The following CEPT1 variants were observed in gnomAD, a reference collection of about 807,000 sequenced individuals.
CEPT1 encodes the protein choline/ethanolaminephosphotransferase 1.
CEPT1 carries 7 observed loss-of-function variants against 42.6 expected under a neutral mutation model. That is an observed-to-expected ratio of 0.16 (90% confidence interval 0.09 to 0.31). The LOEUF (loss-of-function observed/expected upper bound fraction) is 0.31, where lower values mean the gene tolerates loss of function less well. CEPT1 is among the 10% of genes least tolerant of loss of function. CEPT1 has a pLI of 1.00. For missense variants in CEPT1, 306 were observed against 502.1 expected, an observed-to-expected ratio of 0.61 and a Z score of 3.73; for synonymous variants, 171 against 171.9, an observed-to-expected ratio of 0.99 and a Z score of 0.04.
At chr1:111,174,081 A>C (rs921824409) in intron 4 of CEPT1, among the ~76,000 whole-genome samples, 1 of 152,200 alleles carries the variant, frequency 6.6e-6, no homozygotes, top group African/African-American at 2.4e-5. Context: ...CCAGTAATCT[A>C]AGAATGATAA....
rs1332906495 is a variant in CEPT1, at chr1:111,184,839, A to G, written c.*529A>G. 5.0e-5 allele frequency: 7 copies of G among 140,916 alleles called. No homozygotes were observed. In the Admixed American group the frequency reaches 5.0e-4, roughly 10 times the overall value. 8.7% of individuals were successfully genotyped at this position (140,916 alleles called of 1,614,324 possible). A position where few individuals can be genotyped will look rare whatever the true frequency, so the allele number is the denominator to read the frequency against. On this transcript the variant is annotated 3_prime_UTR_variant, in exon 9 of 9. Coordinates refer to ENST00000357172, the MANE Select transcript of CEPT1 (RefSeq NM_006090.5). ...AAAGTTTCCTATCTTTACATTGTTG[A>G]GGAAGTCCTTTTTTTTTTTTTTTTT... is the stretch of plus-strand genomic sequence containing the variant.
chr1:111,180,097 A>C (rs765202772), intron 5 of CEPT1: 1 of 152,202 alleles, frequency 6.6e-6, no homozygotes, highest in Non-Finnish European at 1.5e-5. Context: ...ATTTCACCAA[A>C]TTTTAAATAC....
intron 4 of CEPT1, chr1:111,167,340 T>G (rs1253944440): frequency 2.1e-6 from 2 of 959,956 alleles, no homozygotes; most frequent in East Asian, 1.1e-4. Flanking sequence ...AAACATAATT[T>G]TAATATATTA....
intron 5 of CEPT1, among the ~76,000 whole-genome samples, chr1:111,176,135 T>G (rs1016209429): frequency 6.6e-6 from 1 of 152,148 alleles, no homozygotes; most frequent in Admixed American, 6.5e-5. Flanking sequence ...GATGAAGGAA[T>G]AAAAATAATC....
intron 8 of CEPT1, among the ~76,000 whole-genome samples, chr1:111,183,806 G>A (rs1182721544): frequency 2.0e-5 from 3 of 152,244 alleles, no homozygotes; most frequent in Middle Eastern, 3.4e-3. Flanking sequence ...ATCGGGCAGG[G>A]CTCATAAATT....
chr1:111,176,558 T>C (rs1477493019), intron 5 of CEPT1, among the ~76,000 whole-genome samples: 5 of 152,100 alleles, frequency 3.3e-5, no homozygotes, highest in East Asian at 1.9e-4. Flanking sequence ...AACAAGTCAG[T>C]GTTTGGTTTA....
At chr1:111,144,544 G>A (rs571715612) in intron 1 of CEPT1, among the ~76,000 whole-genome samples, 3 of 152,286 alleles carry the variant, frequency 2.0e-5, no homozygotes, top group East Asian at 1.9e-4. Context: ...AATCTAGGTC[G>A]CAGAGGGGAA....
intron 2 of CEPT1, among the ~76,000 whole-genome samples, chr1:111,158,616 AAGGACT>A (rs1476656513): frequency 2.6e-5 from 4 of 152,206 alleles, no homozygotes; most frequent in Non-Finnish European, 5.9e-5. Context: ...TAGCAATATT[AAGGACT>A]AGAAGAAGTC....
intron 2 of CEPT1, among the ~76,000 whole-genome samples, chr1:111,157,861 A>G (rs943192862): frequency 6.6e-6 from 1 of 152,228 alleles, no homozygotes; most frequent in Non-Finnish European, 1.5e-5. Context: ...ACTGAATGTT[A>G]TTTGCATCTC....
At chr1:111,161,340 T>C (rs754992953) in intron 4 of CEPT1, 44 bp downstream of exon 4, 1 of 1,521,642 alleles carries the variant, frequency 6.6e-7, no homozygotes, top group Non-Finnish European at 8.9e-7. Flanking sequence ...CTTTCACATA[T>C]GGAGAATGTT....
intron 2 of CEPT1, among the ~76,000 whole-genome samples, chr1:111,154,932 C>T (rs940081687): frequency 2.0e-5 from 3 of 152,058 alleles, no homozygotes; most frequent in Middle Eastern, 3.2e-3. Context: ...ATCAGTAATA[C>T]TGGCTTGTGG....
chr1:111,182,877 G>A lies in CEPT1; in HGVS notation c.925G>A (p.Val309Ile), dbSNP rs2101412977. ...LAAMIYKKSA[V>I]QLFEKHPCLY... ...TGCAATGATCTACAAGAAATCTGCA[G>A]TTCAGCTTTTTGAAAAGCATCCCTG... The change falls in exon 7 of 9, where the codon GTT (valine) becomes ATT (isoleucine). Residue 309 changes from valine to isoleucine, a missense_variant. Physicochemically the swap from Val to Ile is conservative, Grantham distance 29 (BLOSUM62 3). Around this residue, in one of 2 missense-constraint regions of CEPT1, gnomAD observed 253 missense variants for 447.3 expected, o/e 0.57. Coordinates refer to ENST00000357172, the MANE Select transcript of CEPT1 (RefSeq NM_006090.5). 1 of 1,613,612 alleles carries A rather than the reference G, an allele frequency of 6.2e-7. No individual in the cohort carries two copies. The highest frequency in any genetic ancestry group is 1.3e-5 in the African/African-American group (1 of 75,034).
Position 111,175,465 on chromosome 1 carries a change from C to T in CEPT1, c.714+502C>T, listed in dbSNP as rs557347180. Among the ~76,000 whole-genome samples the T allele has an allele frequency of 2.5e-3, 374 of 152,162 alleles. 1 individual carries two copies. Among genetic ancestry groups the T allele is most frequent in the African/African-American group, 8.3e-3 (342 of 41,444 alleles). On this transcript the variant is annotated intron_variant, in intron 5 of 8. Coordinates refer to ENST00000357172, the MANE Select transcript of CEPT1 (RefSeq NM_006090.5). ...TCCAGGTCTACCTGAAATATAGTCA[C>T]TCTTACAAACACAGATTCTTTTCCA...
chr1:111,152,764 CT>C (rs1424373843), intron 2 of CEPT1, among the ~76,000 whole-genome samples: 1 of 152,024 alleles, frequency 6.6e-6, no homozygotes, highest in Non-Finnish European at 1.5e-5. Flanking sequence ...TTTTTAAAAA[CT>C]TTTTGTATGT....
intron 4 of CEPT1, 111 bp downstream of exon 4, chr1:111,161,407 A>G: frequency 9.5e-7 from 1 of 1,052,708 alleles, no homozygotes; most frequent in Non-Finnish European, 1.4e-6. Context: ...AGTTTAATAA[A>G]TTAAAAAATT....
At position 111,184,326 on chromosome 1, in the gene CEPT1, A is replaced by C; in HGVS notation, c.*16A>C. On this transcript the variant is annotated 3_prime_UTR_variant, in exon 9 of 9. Transcript: ENST00000357172. ...TCATCATTAATGATGTAATTGGTAT[A>C]TAGGAACATCATGTTTTCTGCAGGA... 6.3e-7 allele frequency: 1 copy of C among 1,595,738 alleles called. No individual in the cohort carries two copies. Among genetic ancestry groups the C allele is most frequent in the Non-Finnish European group, 8.6e-7 (1 of 1,169,030 alleles).
intron 2 of CEPT1, among the ~76,000 whole-genome samples, chr1:111,156,564 G>A (rs898204261): frequency 1.3e-5 from 2 of 152,086 alleles, no homozygotes; most frequent in African/African-American, 4.8e-5. Context: ...GATAGCTGAT[G>A]AGCGGGGAAA....
chr1:111,152,873 T>C (rs754018329), intron 2 of CEPT1, among the ~76,000 whole-genome samples: 1 of 152,172 alleles, frequency 6.6e-6, no homozygotes, highest in Non-Finnish European at 1.5e-5. Flanking sequence ...ATAATAATTA[T>C]ATATGAGATA....
chr1:111,183,829 CT>C (rs1266016475), intron 8 of CEPT1, among the ~76,000 whole-genome samples: 6 of 152,110 alleles, frequency 3.9e-5, no homozygotes, highest in African/African-American at 1.4e-4. Flanking sequence ...AAATTTCTGA[CT>C]GAGTAGAAAA....
Sources: allele counts gnomAD v4.1 joint callset (sites outside exome capture counted in the v4.1 genomes callset), GRCh38; gene constraint gnomAD v4.1.1; regional missense constraint gnomAD v4.1.1; transcripts MANE v1.5; gene names NCBI Gene and HGNC (gene_info 2026-07-23, HGNC 2026-07-21).